Variants in MORC3 observed in about 807,000 individuals in gnomAD.
MORC3 encodes MORC family CW-type zinc finger protein 3.
A neutral mutation model predicts 109.1 loss-of-function variants in MORC3; 31 were observed. The ratio of observed to expected loss-of-function variants is 0.28; its 90% CI spans 0.21 to 0.38. MORC3 has a LOEUF of 0.38. Among genes scored for constraint, MORC3 ranks in the 10% least tolerant of loss-of-function variants. The pLI is 1.00. For missense variants in MORC3, 867 were observed against 1,135.8 expected, an observed-to-expected ratio of 0.76 and a Z score of 3.40; for synonymous variants, 395 against 380.7, an observed-to-expected ratio of 1.04 and a Z score of -0.44.
At chr21:36,366,630 G>T (rs1466966818) in intron 14 of MORC3, among the ~76,000 whole-genome samples, 1 of 152,034 alleles carries the variant, frequency 6.6e-6, no homozygotes, top group African/African-American at 2.4e-5. Context: ...AATTTATTGT[G>T]TTGTAGTATA....
chr21:36,374,482 A>G (rs1396059363), intron 16 of MORC3, among the ~76,000 whole-genome samples: 1 of 152,154 alleles, frequency 6.6e-6, no homozygotes, highest in African/African-American at 2.4e-5. Flanking sequence ...ACAACTATGG[A>G]TATCTTATAG....
rs767779643 is a variant in MORC3, at chr21:36,341,396, C to T, written c.609-3C>T. 5 of 1,592,480 alleles carry T rather than the reference C, an allele frequency of 3.1e-6. No homozygotes were observed. The highest frequency in any genetic ancestry group is 1.1e-5 in the South Asian group (1 of 86,996). Reference sequence around the variant, plus strand: ...TGGTTCTTTCTAAAAATTATTTTTACAGCTACAAAAATGCAACAGAGTTCG... The same window carrying T: ...TGGTTCTTTCTAAAAATTATTTTTATAGCTACAAAAATGCAACAGAGTTCG... On this transcript the variant is annotated splice_region_variant and splice_polypyrimidine_tract_variant and intron_variant, in intron 5 of 16. Transcript: ENST00000400485.
At chr21:36,333,082 C>T (rs968928989) in intron 1 of MORC3, among the ~76,000 whole-genome samples, 14 of 152,238 alleles carry the variant, frequency 9.2e-5, no homozygotes, top group Admixed American at 2.6e-4. Flanking sequence ...CCACTGCGCC[C>T]GGCCAACAAT....
Position 36,356,683 on chromosome 21 carries a change from A to G in MORC3, c.1167A>G (p.Lys389=). Residue 389 remains lysine, a synonymous_variant, in exon 10 of 17, where the codon AAA becomes AAG. Coordinates refer to ENST00000400485, the MANE Select transcript of MORC3 (RefSeq NM_015358.3). ...ACTGGAATGAAATGAAAGTGAAGAAAAATACAGAATATCCTCTAAATTTGC... is the reference window on the plus strand; with the variant it reads ...ACTGGAATGAAATGAAAGTGAAGAAGAATACAGAATATCCTCTAAATTTGC... ...NDYWNEMKVK[K]NTEYPLNLPV... The G allele has an allele frequency of 6.2e-7, 1 of 1,605,088 alleles. No individual in the cohort carries two copies. The highest frequency in any genetic ancestry group is 8.5e-7 in the Non-Finnish European group (1 of 1,176,220).
intron 15 of MORC3, among the ~76,000 whole-genome samples, chr21:36,370,827 C>T (rs2085857698): frequency 6.6e-6 from 1 of 151,250 alleles, no homozygotes; most frequent in Admixed American, 6.6e-5. Context: ...TGCCACCATG[C>T]CCGGCTAATT....
intron 15 of MORC3, among the ~76,000 whole-genome samples, chr21:36,371,857 A>C (rs955523632): frequency 3.0e-4 from 43 of 145,702 alleles, no homozygotes. Flanking sequence ...CTTGTTGCCC[A>C]GGCTGGAGTG....
At chr21:36,346,663 A>G (rs966355443) in intron 8 of MORC3, among the ~76,000 whole-genome samples, 8 of 152,140 alleles carry the variant, frequency 5.3e-5, no homozygotes, top group South Asian at 2.1e-4. Flanking sequence ...TACAAAAATT[A>G]GCTGGGCCTG....
chr21:36,323,487 G>A (rs1467058322), intron 1 of MORC3, among the ~76,000 whole-genome samples: 2 of 151,938 alleles, frequency 1.3e-5, no homozygotes, highest in Admixed American at 6.6e-5. Context: ...TATTGTTAGT[G>A]GTGGAGAATA....
intron 1 of MORC3, among the ~76,000 whole-genome samples, chr21:36,326,568 A>C (rs1275989341): frequency 1.3e-5 from 2 of 152,184 alleles, no homozygotes; most frequent in Non-Finnish European, 2.9e-5. Flanking sequence ...CTTATTTATA[A>C]GTTGAACTTT....
intron 9 of MORC3, among the ~76,000 whole-genome samples, chr21:36,350,411 A>G (rs111243817): frequency 2.0e-5 from 3 of 152,012 alleles, no homozygotes; most frequent in Non-Finnish European, 4.4e-5. Context: ...TGGGCAACAC[A>G]GTGGGAGCTT....
At chr21:36,320,963 G>A (rs1029289181) in intron 1 of MORC3, among the ~76,000 whole-genome samples, 1 of 152,192 alleles carries the variant, frequency 6.6e-6, no homozygotes, top group Non-Finnish European at 1.5e-5. Flanking sequence ...GGTCACACAA[G>A]ATAACTTGAA....
At chr21:36,333,311 G>T (rs2085336434) in intron 1 of MORC3, 1 of 234,194 alleles carries the variant, frequency 4.3e-6, no homozygotes, top group African/African-American at 2.2e-5. Flanking sequence ...TTAGGAAATG[G>T]TGTTTATAGG....
chr21:36,328,710 C>G (rs2085277939), intron 1 of MORC3, among the ~76,000 whole-genome samples: 1 of 151,992 alleles, frequency 6.6e-6, no homozygotes. Flanking sequence ...CTCCTGACCT[C>G]TGGTGATCCA....
intron 6 of MORC3, 60 bp downstream of exon 6, chr21:36,341,606 A>T: frequency 6.2e-7 from 1 of 1,601,042 alleles, no homozygotes; most frequent in Non-Finnish European, 8.5e-7. Flanking sequence ...TAGTATTAGG[A>T]GAGGTCATGT....
At chr21:36,329,595 C>T (rs1400750839) in intron 1 of MORC3, among the ~76,000 whole-genome samples, 1 of 152,164 alleles carries the variant, frequency 6.6e-6, no homozygotes, top group Non-Finnish European at 1.5e-5. Flanking sequence ...CTCTTCCAAC[C>T]ATTTTAATGG....
intron 4 of MORC3, 61 bp downstream of exon 4, chr21:36,338,007 T>A: frequency 1.3e-6 from 2 of 1,552,422 alleles, no homozygotes; most frequent in Non-Finnish European, 1.8e-6. Flanking sequence ...TTGGAAACAT[T>A]CTATGTTTTT....
At chr21:36,349,824 G>C (rs2085551077) in intron 9 of MORC3, among the ~76,000 whole-genome samples, 1 of 152,314 alleles carries the variant, frequency 6.6e-6, no homozygotes, top group African/African-American at 2.4e-5. Flanking sequence ...GGATAGGTTG[G>C]AGCTGGTCTG....
chr21:36,328,117 T>C (rs1411011609), intron 1 of MORC3, among the ~76,000 whole-genome samples: 1 of 151,898 alleles, frequency 6.6e-6, no homozygotes, highest in Non-Finnish European at 1.5e-5. Flanking sequence ...CGTCAAATGA[T>C]CCACCTGCCG....
At chr21:36,346,176 A>G (rs2085505379) in intron 8 of MORC3, among the ~76,000 whole-genome samples, 1 of 152,130 alleles carries the variant, frequency 6.6e-6, no homozygotes, top group African/African-American at 2.4e-5. Flanking sequence ...GTGTGCCGCT[A>G]TGCCAGGCCA....
Sources: allele counts gnomAD v4.1 joint callset (sites outside exome capture counted in the v4.1 genomes callset), GRCh38; gene constraint gnomAD v4.1.1; transcripts MANE v1.5; gene names NCBI Gene and HGNC (gene_info 2026-07-23, HGNC 2026-07-21).